The following PIK3CB variants were observed in gnomAD, a reference collection of about 807,000 sequenced individuals.
PIK3CB encodes the protein phosphatidylinositol-4,5-bisphosphate 3-kinase catalytic subunit beta.
A neutral mutation model predicts 136.8 loss-of-function variants in PIK3CB; 39 were observed. The ratio of observed to expected loss-of-function variants is 0.29; its 90% CI spans 0.22 to 0.37. PIK3CB has a LOEUF of 0.37. Among genes scored for constraint, PIK3CB ranks in the 10% least tolerant of loss-of-function variants. The pLI, the probability that PIK3CB is intolerant of heterozygous loss-of-function variation, is 1.00. For synonymous variants in PIK3CB, 428 were observed against 436.6 expected (o/e 0.98, Z 0.25); for missense variants, 868 against 1,275.4 (o/e 0.68, Z 4.87).
chr3:138,777,588 C>T (rs2045874169), intron 2 of PIK3CB, among the ~76,000 whole-genome samples: 2 of 152,110 alleles, frequency 1.3e-5, no homozygotes, highest in African/African-American at 4.8e-5. Flanking sequence ...TCTGGTGTGC[C>T]CCATCCAATT....
chr3:138,831,184 G>A (rs1220858215), intron 1 of PIK3CB, among the ~76,000 whole-genome samples: 7 of 150,538 alleles, frequency 4.6e-5, no homozygotes, highest in African/African-American at 1.7e-4. Context: ...CTACTGGGGA[G>A]GCTGAGACAG....
intron 14 of PIK3CB, among the ~76,000 whole-genome samples, chr3:138,693,668 G>A (rs952210804): frequency 2.6e-5 from 4 of 152,020 alleles, no homozygotes; most frequent in Non-Finnish European, 5.9e-5. Context: ...CCAAAGTGCA[G>A]GGATTACAGG....
chr3:138,655,323 T>C lies in PIK3CB; in HGVS notation c.*66A>G, dbSNP rs1445242309. On this transcript the variant is annotated 3_prime_UTR_variant, in exon 24 of 24. Coordinates refer to ENST00000674063, the MANE Select transcript of PIK3CB (RefSeq NM_006219.3). ...ACATCTCTAACAGGGTCATGTTCAATTTAGTGCAAGTGCAAAATGAAAATG... is the reference window on the plus strand; with the variant it reads ...ACATCTCTAACAGGGTCATGTTCAACTTAGTGCAAGTGCAAAATGAAAATG... 2.6e-6 allele frequency: 4 copies of C among 1,510,756 alleles called. No homozygotes were observed. The Admixed American group carries it at 6.8e-5, about 26-fold the overall frequency. 93.6% of individuals were successfully genotyped at this position (1,510,756 alleles called of 1,614,324 possible).
chr3:138,829,871 C>T (rs1385859615), intron 1 of PIK3CB, among the ~76,000 whole-genome samples: 2 of 152,036 alleles, frequency 1.3e-5, no homozygotes, highest in Admixed American at 1.3e-4. Flanking sequence ...TGAAAGACGC[C>T]TAAAAACAGA....
Position 138,683,739 on chromosome 3 carries a change from C to A in PIK3CB, c.2364G>T (p.Leu788=). The A allele has an allele frequency of 7.5e-6, 12 of 1,609,466 alleles. No individual in the cohort carries two copies. Among genetic ancestry groups the A allele is most frequent in the Non-Finnish European group, 1.0e-5 (12 of 1,176,116 alleles). The change falls in exon 18 of 24, where the codon CTG becomes CTT. Residue 788 remains leucine (L), a synonymous_variant. Coordinates refer to ENST00000674063, the MANE Select transcript of PIK3CB (RefSeq NM_006219.3). ...YMDSKMKPLW[L]VYNNKVFGED... is the part of the protein sequence containing the mutation. Reference sequence around the variant, plus strand: ...CACCAAATACCTTGTTATTGTATACCAGCCACAAAGGCTTCATTTTGGAAT... The same window carrying A: ...CACCAAATACCTTGTTATTGTATACAAGCCACAAAGGCTTCATTTTGGAAT...
At chr3:138,739,539 G>A (rs564039659) in intron 5 of PIK3CB, among the ~76,000 whole-genome samples, 2 of 151,520 alleles carry the variant, frequency 1.3e-5, no homozygotes, top group South Asian at 2.1e-4. Flanking sequence ...AGACAGGTAC[G>A]TATGGACCAG....
intron 8 of PIK3CB, among the ~76,000 whole-genome samples, chr3:138,730,122 G>A (rs1248088295): frequency 6.6e-6 from 1 of 152,086 alleles, no homozygotes; most frequent in Non-Finnish European, 1.5e-5. Context: ...CTGGGGAGAA[G>A]AAAGAAAAAG....
chr3:138,793,197 A>G (rs1307634785), intron 2 of PIK3CB, among the ~76,000 whole-genome samples: 1 of 152,240 alleles, frequency 6.6e-6, no homozygotes, highest in African/African-American at 2.4e-5. Flanking sequence ...GTAATGTGAT[A>G]TGAAAAGAAT....
chr3:138,832,664 C>CA (rs1180284880), intron 1 of PIK3CB, among the ~76,000 whole-genome samples: 4 of 151,490 alleles, frequency 2.6e-5, no homozygotes, highest in Admixed American at 6.6e-5. Flanking sequence ...CCGTCTCTAC[C>CA]AAAAAAAGTA....
chr3:138,659,866 CTTTTTTTTTTTTTT>C (rs56255742), intron 21 of PIK3CB, among the ~76,000 whole-genome samples: 3 of 75,450 alleles, frequency 4.0e-5, no homozygotes, highest in South Asian at 6.0e-4. Context: ...CTTTCCTCTT[CTTTTTTTTTTTTTT>C]TTTTTTTTTT....
At chr3:138,754,593 T>C (rs2045531315) in intron 4 of PIK3CB, among the ~76,000 whole-genome samples, 1 of 152,174 alleles carries the variant, frequency 6.6e-6, no homozygotes, top group African/African-American at 2.4e-5. Flanking sequence ...ACTATAAACT[T>C]GTTAACTGGG....
chr3:138,680,369 A>G (rs560764377), intron 19 of PIK3CB, among the ~76,000 whole-genome samples: 27 of 151,866 alleles, frequency 1.8e-4, no homozygotes, highest in Admixed American at 1.2e-3. Flanking sequence ...AAAAAAAAAG[A>G]GGAAGAAGAA....
chr3:138,717,364 T>C (rs1264390109), intron 8 of PIK3CB, among the ~76,000 whole-genome samples: 1 of 152,210 alleles, frequency 6.6e-6, no homozygotes, highest in Non-Finnish European at 1.5e-5. Context: ...TCTTTGATTT[T>C]ATTTTATATA....
At chr3:138,695,919 C>T (rs2108520656) in intron 13 of PIK3CB, among the ~76,000 whole-genome samples, 1 of 139,926 alleles carries the variant, frequency 7.1e-6, no homozygotes, top group South Asian at 2.2e-4. Context: ...CTATGCCCAG[C>T]TAATTTTTTG....
chr3:138,718,830 C>T (rs1048973503), intron 8 of PIK3CB, among the ~76,000 whole-genome samples: 2 of 152,156 alleles, frequency 1.3e-5, no homozygotes, highest in Admixed American at 6.5e-5. Flanking sequence ...TTTTTGTCAA[C>T]TTTGCTGAAG....
intron 1 of PIK3CB, among the ~76,000 whole-genome samples, chr3:138,815,116 G>T (rs1933246684): frequency 7.8e-6 from 1 of 128,568 alleles, no homozygotes. Context: ...CTCCAGCCTG[G>T]GCAACAGAGC....
At chr3:138,830,901 CAAAATA>C (rs1267622449) in intron 1 of PIK3CB, among the ~76,000 whole-genome samples, 1 of 101,444 alleles carries the variant, frequency 9.9e-6, no homozygotes, top group Non-Finnish European at 2.0e-5. Flanking sequence ...AACTCCGTCT[CAAAATA>C]ATAATAATAA....
chr3:138,684,987 T>C, intron 16 of PIK3CB, 184 bp from the exon 17 acceptor site: 2 of 513,642 alleles, frequency 3.9e-6, no homozygotes, highest in Non-Finnish European at 6.8e-6. Flanking sequence ...AACTTATTTT[T>C]AACAGTTGTT....
At chr3:138,690,880 A>G in intron 15 of PIK3CB, 120 bp downstream of exon 15, 1 of 716,506 alleles carries the variant, frequency 1.4e-6, no homozygotes, top group Non-Finnish European at 2.3e-6. Flanking sequence ...CCAAAACCAT[A>G]TAAATGTTAT....
Sources: allele counts gnomAD v4.1 joint callset (sites outside exome capture counted in the v4.1 genomes callset), GRCh38; gene constraint gnomAD v4.1.1; transcripts MANE v1.5; gene names NCBI Gene and HGNC (gene_info 2026-07-23, HGNC 2026-07-21).